SETD4: variants seen among roughly 807,000 people sequenced by gnomAD.
SETD4 encodes SET domain-containing protein 4.
A neutral mutation model predicts 58.3 loss-of-function variants in SETD4; 46 were observed. That is an observed-to-expected ratio of 0.79 (90% CI 0.62 to 1.01). The LOEUF (loss-of-function observed/expected upper bound fraction) is 1.01. SETD4 is among the 50% of genes least tolerant of loss of function. The pLI is 0.00. For missense variants in SETD4, 490 were observed against 523.3 expected (o/e 0.94, Z 0.62); for synonymous variants, 190 against 202.6 (o/e 0.94, Z 0.53).
At chr21:36,054,751 C>T (rs191110656) in intron 3 of SETD4, among the ~76,000 whole-genome samples, 5 of 150,938 alleles carry the variant, frequency 3.3e-5, no homozygotes, top group African/African-American at 9.8e-5. Context: ...TGCCTCAAGT[C>T]TTCCATCAGC....
In SETD4 at chr21:36,053,599, C is replaced by T. The variant is rs979586975; in HGVS notation, c.191G>A (p.Ser64Asn). The T allele has an allele frequency of 6.2e-7, 1 of 1,614,064 alleles. No individual in the cohort carries two copies. Among genetic ancestry groups the T allele is most frequent in the South Asian group, 1.1e-5 (1 of 91,074 alleles). Residue 64 changes from serine to asparagine, a missense_variant, in exon 4 of 12, where the codon AGT (serine) becomes AAT (asparagine). Coordinates refer to ENST00000332131, the MANE Select transcript of SETD4 (RefSeq NM_017438.5). Reference sequence around the variant, plus strand: ...AGTTCTCACCTGCAGGGATGTTTGACTCATCAGCCCTCTTCCTGTACCTAG... The same window carrying T: ...AGTTCTCACCTGCAGGGATGTTTGATTCATCAGCCCTCTTCCTGTACCTAG... ...CFPGTGRGLM[S>N]QTSLQEGQMI... is the part of the protein sequence containing the mutation.
At chr21:36,042,929 C>T (rs1601216886) in intron 7 of SETD4, 3 of 152,134 alleles carry the variant, frequency 2.0e-5, no homozygotes, top group Admixed American at 6.6e-5. Flanking sequence ...TAACAAGACA[C>T]TGTCTCTATC....
At chr21:36,056,992 A>G in intron 3 of SETD4, 117 bp downstream of exon 3, 3 of 780,502 alleles carry the variant, frequency 3.8e-6, no homozygotes, top group Non-Finnish European at 6.7e-6. Flanking sequence ...CCCAAGGGGA[A>G]CACATGCAAA....
rs542868708 is a variant in SETD4, at chr21:36,050,552, C to A, written c.208-2156G>T. 438 of 1,613,056 alleles carry A rather than the reference C, an allele frequency of 2.7e-4. 1 individual carries two copies. The highest frequency in any genetic ancestry group is 3.0e-4 in the Admixed American group (18 of 59,996). ...ACCGACTTCAAGCCATCCTGAACTG[C>A]GTTAATAAGTTCTGGACATTTCAAG... is the stretch of plus-strand genomic sequence containing the variant. On this transcript the variant is annotated intron_variant, in intron 4 of 11. Transcript: ENST00000332131.
chr21:36,045,304 C>T (rs1456555381), intron 6 of SETD4, among the ~76,000 whole-genome samples: 3 of 152,230 alleles, frequency 2.0e-5, no homozygotes, highest in Non-Finnish European at 4.4e-5. Context: ...AGGCTCCGCA[C>T]CACAGGCTGC....
intron 4 of SETD4, among the ~76,000 whole-genome samples, chr21:36,051,578 A>G (rs2123710747): frequency 6.6e-6 from 1 of 152,318 alleles, no homozygotes; most frequent in Non-Finnish European, 1.5e-5. Flanking sequence ...TCCTACAGAG[A>G]GGCAGAATAG....
chr21:36,038,257 C>A lies in SETD4; in HGVS notation c.1081G>T (p.Val361Leu). 1 of 1,613,024 alleles carries A rather than the reference C, an allele frequency of 6.2e-7. No individual in the cohort carries two copies. The change falls in exon 10 of 12, where the codon GTA (valine) becomes TTA (leucine). Residue 361 changes from valine (V) to leucine (L), a missense_variant. By Grantham distance (32) the Val-to-Leu change is conservative (BLOSUM62 1). Coordinates refer to ENST00000332131, the MANE Select transcript of SETD4 (RefSeq NM_017438.5). ...TCTGAAATTACCTCCCCAAGAAGTA[C>A]TTTTTTCCAGCATGTACTAGAACCA... ...EAEKFTCWKK[V>L]LLGEVISDTN...
intron 9 of SETD4, 102 bp from the exon 10 acceptor site, chr21:36,038,375 A>G (rs1473688075): frequency 1.4e-6 from 2 of 1,383,834 alleles, no homozygotes; most frequent in Admixed American, 4.1e-5. Context: ...TTTCTCCAGG[A>G]GCATAATACA....
chr21:36,057,307 C>T (rs2065036420), intron 2 of SETD4, 103 bp from the exon 3 acceptor site: 5 of 885,776 alleles, frequency 5.6e-6, no homozygotes, highest in Non-Finnish European at 9.5e-6. Flanking sequence ...CAGACTTACA[C>T]AATAGTAAGA....
chr21:36,050,815 A>G, intron 4 of SETD4: 4 of 1,611,380 alleles, frequency 2.5e-6, no homozygotes, highest in Non-Finnish European at 3.4e-6. Flanking sequence ...AAAGAGTCAC[A>G]TGGACGGGAT....
chr21:36,037,735 C>T (rs2063851213), intron 10 of SETD4, among the ~76,000 whole-genome samples: 1 of 152,086 alleles, frequency 6.6e-6, no homozygotes, highest in South Asian at 2.1e-4. Context: ...GCAGTGGACA[C>T]TTGTAATCCC....
rs969777431 is a variant in SETD4, at chr21:36,052,644, C to T, written c.207+939G>A. On this transcript the variant is annotated intron_variant, in intron 4 of 11. Transcript: ENST00000332131. ...CTAAACATATGTACACATCTGAGTG[C>T]AAGTTTTAAATAGAGAATTTAAAAT... Among the ~76,000 whole-genome samples, 6 of 149,704 alleles carry T rather than the reference C, an allele frequency of 4.0e-5. No individual in the cohort carries two copies. The South Asian group carries it at 8.4e-4, about 21-fold the overall frequency.
intron 2 of SETD4, 50 bp downstream of exon 2, chr21:36,058,766 T>G: frequency 1.3e-6 from 2 of 1,540,912 alleles, no homozygotes; most frequent in Non-Finnish European, 8.7e-7. Flanking sequence ...AAACAAGCAA[T>G]CACAAAAGGA....
At position 36,045,807 on chromosome 21, in the gene SETD4, C is replaced by T. The variant is rs770676638; in HGVS notation, c.501G>A (p.Gln167=). ...AGTCTCTGGAGGAAGCAAAGAACTC[C>T]TGCACGTGGGCTCTCTGCTCTTCAG... ...AKAEEQRAHV[Q]EFFASSRDFF... is the part of the protein sequence containing the mutation. The change falls in exon 6 of 12, where the codon CAG becomes CAA. Residue 167 remains glutamine, a synonymous_variant. Transcript: ENST00000332131. 6.2e-7 allele frequency: 1 copy of T among 1,614,210 alleles called. No homozygotes were observed. Among genetic ancestry groups the T allele is most frequent in the Admixed American group, 1.7e-5 (1 of 60,034 alleles).
chr21:36,050,947 A>C (rs2064648620), intron 4 of SETD4: 6 of 1,610,044 alleles, frequency 3.7e-6, no homozygotes, highest in Non-Finnish European at 5.1e-6. Context: ...TTGAGTGAAC[A>C]AGGGAAGCAG....
At chr21:36,053,094 C>A (rs561496718) in intron 4 of SETD4, 11 of 158,220 alleles carry the variant, frequency 7.0e-5, no homozygotes, top group African/African-American at 1.9e-4. Context: ...AAGGCCAGCA[C>A]GGATCTCCTC....
At chr21:36,049,023 T>C (rs2064499278) in intron 4 of SETD4, among the ~76,000 whole-genome samples, 1 of 152,184 alleles carries the variant, frequency 6.6e-6, no homozygotes, top group African/African-American at 2.4e-5. Context: ...GGCCAGGTGA[T>C]GGTCTGCTCT....
intron 9 of SETD4, among the ~76,000 whole-genome samples, chr21:36,038,944 G>A (rs541139089): frequency 3.2e-4 from 48 of 152,268 alleles, no homozygotes; most frequent in African/African-American, 1.2e-3. Context: ...ACTACCGGGA[G>A]AAAGACGACG....
At chr21:36,052,138 GT>G (rs2123717953) in intron 4 of SETD4, among the ~76,000 whole-genome samples, 1 of 152,220 alleles carries the variant, frequency 6.6e-6, no homozygotes, top group African/African-American at 2.4e-5. Flanking sequence ...ATTTTCACCT[GT>G]TTAGGAAAGA....
Sources: gnomAD v4.1 joint callset for allele counts (sites outside exome capture counted in the v4.1 genomes callset) on GRCh38, gnomAD v4.1.1 for gene constraint, MANE v1.5 for transcripts, NCBI Gene and HGNC (gene_info 2026-07-23, HGNC 2026-07-21) for gene names.